PEDS1: variants seen among roughly 807,000 people sequenced by gnomAD.
The protein encoded by PEDS1 is plasmanylethanolamine desaturase 1, also known as CarF homolog.
A neutral mutation model predicts 35.2 loss-of-function variants in PEDS1; 14 were observed. The observed-to-expected ratio is 0.40, with a 90% confidence interval of 0.26 to 0.62. The LOEUF (loss-of-function observed/expected upper bound fraction) is 0.62. PEDS1 is among the 20% of genes least tolerant of loss of function. The pLI, the probability that PEDS1 is intolerant of heterozygous loss-of-function variation, is 0.44. For missense variants in PEDS1, 260 were observed against 367.8 expected (o/e 0.71, Z 2.40); for synonymous variants, 152 against 152.0 (o/e 1.00, Z 0.00).
intron 2 of PEDS1, among the ~76,000 whole-genome samples, chr20:50,141,819 G>C (rs1022886302): frequency 6.6e-6 from 1 of 152,142 alleles, no homozygotes; most frequent in Non-Finnish European, 1.5e-5. Flanking sequence ...CAGCTGGTCC[G>C]GCCCCCGTCC....
chr20:50,129,812 C>G lies in PEDS1; in HGVS notation c.334-122G>C. The G allele has an allele frequency of 2.1e-6, 3 of 1,463,032 alleles. No homozygotes were observed. Among genetic ancestry groups the G allele is most frequent in the African/African-American group, 1.4e-5 (1 of 71,610 alleles). 90.6% of individuals were successfully genotyped at this position (1,463,032 alleles called of 1,614,324 possible). On this transcript the variant is annotated intron_variant, in intron 3 of 5. Transcript: ENST00000371652. This position sits in a 1 kb window ranked among gnomAD's most constrained non-coding sequence, Gnocchi z 4.2. ...CCTTTGATCCTAAGTTTCCTCCACC[C>G]GGGATGCTTGAACATTCCCACCTGG...
chr20:50,150,121 C>T (rs556834945), intron 1 of PEDS1, among the ~76,000 whole-genome samples: 11 of 152,304 alleles, frequency 7.2e-5, no homozygotes, highest in Admixed American at 1.3e-4. Flanking sequence ...GGAGGGGTTG[C>T]AGCCTCCTCC....
At position 50,129,529 on chromosome 20, in the gene PEDS1, C is replaced by T. The variant is rs200373159; in HGVS notation, c.478+17G>A. ...CCCAAGGCCCCCTCCCAGCCCACCA[C>T]TAGCTGGGTGTCTCACCAGGGCTGT... On this transcript the variant is annotated intron_variant, in intron 4 of 5. Coordinates refer to ENST00000371652, the MANE Select transcript of PEDS1 (RefSeq NM_199129.4). The surrounding 1 kb of genome is among the most constrained non-coding windows in gnomAD (Gnocchi z 4.2). 17 of 1,614,040 alleles carry T rather than the reference C, an allele frequency of 1.1e-5. No homozygotes were observed. Among genetic ancestry groups the T allele is most frequent in the Non-Finnish European group, 1.4e-5 (17 of 1,179,946 alleles).
At position 50,124,902 on chromosome 20, in the gene PEDS1, A is replaced by G; in HGVS notation, c.*156T>C. The G allele has an allele frequency of 1.1e-6, 1 of 913,848 alleles. No homozygotes were observed. The allele number at this position is 913,848 out of a possible 1,614,324, so 56.6% of individuals were successfully genotyped here. ...GAAATGAAAAATCAGTGGCTCAAGT[A>G]TTCTGTGTCATGAGGGGTGGGCTGG... is the stretch of plus-strand genomic sequence containing the variant. On this transcript the variant is annotated 3_prime_UTR_variant, in exon 6 of 6. Transcript: ENST00000371652.
chr20:50,142,857 A>C (rs1256642100), intron 2 of PEDS1, among the ~76,000 whole-genome samples: 1 of 152,072 alleles, frequency 6.6e-6, no homozygotes, highest in East Asian at 1.9e-4. Context: ...CTAGGCACAG[A>C]GAATGGCACA....
chr20:50,138,564 C>T (rs144586881), intron 2 of PEDS1, among the ~76,000 whole-genome samples: 1 of 152,158 alleles, frequency 6.6e-6, no homozygotes, highest in East Asian at 1.9e-4. Flanking sequence ...AGGCCTGGCG[C>T]CTGCACGCTG....
intron 5 of PEDS1, 152 bp from the exon 6 acceptor site, chr20:50,125,331 G>A: frequency 1.9e-6 from 2 of 1,069,836 alleles, no homozygotes; most frequent in Non-Finnish European, 2.6e-6. Flanking sequence ...CTGGAAGTGG[G>A]GGCCTCCCAC....
intron 2 of PEDS1, among the ~76,000 whole-genome samples, chr20:50,139,310 C>T (rs372053465): frequency 1.3e-5 from 2 of 152,202 alleles, no homozygotes; most frequent in East Asian, 1.9e-4. Flanking sequence ...AGGGCTCCTA[C>T]GGCCTTCACT....
chr20:50,143,744 C>T, intron 1 of PEDS1, 123 bp from the exon 2 acceptor site: 2 of 1,444,880 alleles, frequency 1.4e-6, no homozygotes, highest in East Asian at 4.9e-5. Context: ...ATCACCCAGG[C>T]TGGAGTGCAG....
chr20:50,135,623 A>T (rs2081225917), intron 2 of PEDS1, among the ~76,000 whole-genome samples: 1 of 131,674 alleles, frequency 7.6e-6, no homozygotes, highest in African/African-American at 3.0e-5. Flanking sequence ...ACGCCATTGC[A>T]CTCCAGCCTG....
At chr20:50,146,765 G>A (rs6095790) in intron 1 of PEDS1, among the ~76,000 whole-genome samples, 2 of 152,196 alleles carry the variant, frequency 1.3e-5, no homozygotes, top group African/African-American at 2.4e-5. Flanking sequence ...GGAAGGAGAA[G>A]GACCTCAACA....
At chr20:50,125,544 T>TTATCTATCTATCTATCTATCCATC (rs1018512248) in intron 5 of PEDS1, among the ~76,000 whole-genome samples, 58 of 147,494 alleles carry the variant, frequency 3.9e-4, no homozygotes, top group African/African-American at 1.4e-3. Context: ...ACATTACCCT[T>TTATCTATCTATCTATCTATCCATC]TATCTATCTA....
chr20:50,143,416 A>C, intron 2 of PEDS1, 86 bp downstream of exon 2: 1 of 1,537,244 alleles, frequency 6.5e-7, no homozygotes. Context: ...ACATCCATGC[A>C]TGTGGACACA....
At chr20:50,152,967 T>C (rs1393423066) in intron 1 of PEDS1, among the ~76,000 whole-genome samples, 4 of 152,024 alleles carry the variant, frequency 2.6e-5, no homozygotes, top group Admixed American at 1.3e-4. Context: ...GAGTTAGGGT[T>C]CCCTGGGCAG....
chr20:50,150,169 G>T (rs1355030875), intron 1 of PEDS1, among the ~76,000 whole-genome samples: 1 of 151,986 alleles, frequency 6.6e-6, no homozygotes, highest in African/African-American at 2.4e-5. Context: ...CAGCTCACAC[G>T]GTTGTAGTGG....
At chr20:50,149,856 AG>A (rs1462013801) in intron 1 of PEDS1, among the ~76,000 whole-genome samples, 3 of 152,170 alleles carry the variant, frequency 2.0e-5, no homozygotes, top group African/African-American at 4.8e-5. Context: ...CACCCGGCCC[AG>A]TCCCGGGTTC....
intron 5 of PEDS1, among the ~76,000 whole-genome samples, chr20:50,126,594 C>T (rs550054909): frequency 2.8e-4 from 42 of 152,296 alleles, no homozygotes; most frequent in Non-Finnish European, 4.1e-4. Flanking sequence ...ATGAAGGAGG[C>T]GGCTGCAGCC....
chr20:50,128,166 G>A lies in PEDS1; in HGVS notation c.500C>T (p.Pro167Leu), dbSNP rs2081131753. 3.1e-6 allele frequency: 5 copies of A among 1,614,118 alleles called. No homozygotes were observed. The highest frequency in any genetic ancestry group is 1.1e-5 in the South Asian group (1 of 91,074). The change falls in exon 5 of 6, where the codon CCC becomes CTC. Residue 167 changes from proline to leucine, a missense_variant. By Grantham distance (98) the Pro-to-Leu change is moderately conservative. Transcript: ENST00000371652. The surrounding 1 kb of genome is among the most constrained non-coding windows in gnomAD (Gnocchi z 5.2). The stretch of plus-strand genomic sequence containing the variant: ...CAGGCAGAAGACGAAGCACTCCCAG[G>A]GGTATAGCTGCTCCAGGGCTTCTGC... Reference protein sequence around the residue: ...HSPEALEQLYPWECFVFCLII... With the variant: ...HSPEALEQLYLWECFVFCLII...
chr20:50,127,340 GTTTTTTTT>G (rs11471254), intron 5 of PEDS1, among the ~76,000 whole-genome samples: 2 of 87,184 alleles, frequency 2.3e-5, no homozygotes, highest in South Asian at 3.8e-4. Context: ...GTGTTTTCTG[GTTTTTTTT>G]TTTTTTTTTT....
Sources: allele counts gnomAD v4.1 joint callset (sites outside exome capture counted in the v4.1 genomes callset), GRCh38; gene constraint gnomAD v4.1.1; non-coding constraint Gnocchi (gnomAD v3.1); transcripts MANE v1.5; gene names NCBI Gene and HGNC (gene_info 2026-07-23, HGNC 2026-07-21).